DNAH7: variants seen among roughly 807,000 people sequenced by gnomAD.
The protein encoded by DNAH7 is axonemal beta dynein heavy chain 7.
In DNAH7, 397 loss-of-function variants were observed where a neutral mutation model predicts 444.6. The observed-to-expected ratio is 0.89, with a 90% CI of 0.82 to 0.97. The LOEUF (loss-of-function observed/expected upper bound fraction) is 0.97. Among genes scored for constraint, DNAH7 ranks in the 50% least tolerant of loss-of-function variants. DNAH7 has a pLI of 0.00. For synonymous variants in DNAH7, 1,636 were observed against 1,624.4 expected, an observed-to-expected ratio of 1.01 and a Z score of -0.17; for missense variants, 4,902 against 4,800.8, an observed-to-expected ratio of 1.02 and a Z score of -0.62.
chr2:195,845,910 A>C (rs1698964094), intron 46 of DNAH7, among the ~76,000 whole-genome samples: 1 of 152,272 alleles, frequency 6.6e-6, no homozygotes, highest in African/African-American at 2.4e-5. Flanking sequence ...AAACCTTAGA[A>C]GAAAACCTAG....
chr2:195,786,648 C>T (rs1695636905), intron 58 of DNAH7, among the ~76,000 whole-genome samples: 1 of 151,854 alleles, frequency 6.6e-6, no homozygotes, highest in African/African-American at 2.4e-5. Context: ...TAAAGTCATA[C>T]TCCACAAAGG....
At chr2:195,973,244 C>T (rs553875695) in intron 15 of DNAH7, among the ~76,000 whole-genome samples, 2 of 152,258 alleles carry the variant, frequency 1.3e-5, no homozygotes, top group South Asian at 4.2e-4. Context: ...GGACAACCAA[C>T]ATTTCTTCGT....
chr2:195,989,430 ATAAT>A (rs1299376789), intron 12 of DNAH7, among the ~76,000 whole-genome samples: 1 of 152,170 alleles, frequency 6.6e-6, no homozygotes, highest in Non-Finnish European at 1.5e-5. Context: ...TATTTCTCTG[ATAAT>A]TAGAGATGTA....
At position 195,936,734 on chromosome 2, in the gene DNAH7, G is replaced by C. The variant is rs199839208; in HGVS notation, c.3137C>G (p.Ser1046Cys). Residue 1046 changes from serine to cysteine, a missense_variant, in exon 20 of 65, where the codon TCT becomes TGT. Transcript: ENST00000312428. Reference sequence around the variant, plus strand: ...AAGAATGAGCTCCAAAAGTTCATTAGATTTTTTCAGCCTTTCCAGCATTCT... The same window carrying C: ...AAGAATGAGCTCCAAAAGTTCATTACATTTTTTCAGCCTTTCCAGCATTCT... ...IDRMLERLKK[S>C]NELLELILKG... 88 of 1,597,588 alleles carry C rather than the reference G, an allele frequency of 5.5e-5. No individual in the cohort carries two copies. The highest frequency in any genetic ancestry group is 4.3e-6 in the Non-Finnish European group (5 of 1,173,356).
intron 20 of DNAH7, among the ~76,000 whole-genome samples, chr2:195,935,683 A>G (rs75025524): frequency 0.032 from 4,821 of 152,240 alleles, 191 homozygotes; most frequent in East Asian, 0.1. Context: ...GGCAAGGAAA[A>G]TAAGTCCAGG....
At chr2:196,060,998 G>A (rs1244504408) in intron 1 of DNAH7, among the ~76,000 whole-genome samples, 2 of 151,930 alleles carry the variant, frequency 1.3e-5, no homozygotes, top group Non-Finnish European at 2.9e-5. Flanking sequence ...ATACATTTAT[G>A]GTATACAATG....
At chr2:195,987,001 A>G (rs987474062) in intron 14 of DNAH7, 65 bp downstream of exon 14, 8 of 1,384,938 alleles carry the variant, frequency 5.8e-6, no homozygotes, top group Non-Finnish European at 7.7e-6. Flanking sequence ...ACTCTAGTTG[A>G]GTGACAGCTG....
At chr2:195,806,650 C>T in intron 54 of DNAH7, 90 bp downstream of exon 54, 2 of 1,042,776 alleles carry the variant, frequency 1.9e-6, no homozygotes, top group East Asian at 5.2e-5. Flanking sequence ...TCTACCTCCC[C>T]CATGATTACA....
intron 5 of DNAH7, among the ~76,000 whole-genome samples, chr2:196,033,652 T>C (rs957628005): frequency 1.3e-5 from 2 of 152,214 alleles, no homozygotes; most frequent in Non-Finnish European, 2.9e-5. Flanking sequence ...GTGTATTCCA[T>C]TGTGTATATA....
intron 61 of DNAH7, among the ~76,000 whole-genome samples, chr2:195,768,458 C>A (rs1426308943): frequency 6.6e-6 from 1 of 151,650 alleles, no homozygotes; most frequent in African/African-American, 2.4e-5. Flanking sequence ...ATTATCATAA[C>A]CACTGGATAA....
intron 40 of DNAH7, among the ~76,000 whole-genome samples, chr2:195,865,866 C>A (rs183169742): frequency 6.6e-6 from 1 of 152,026 alleles, no homozygotes; most frequent in Non-Finnish European, 1.5e-5. Flanking sequence ...GGCATTAAAG[C>A]GCTCTCTCCC....
chr2:195,931,269 G>T (rs1181338470), intron 21 of DNAH7, among the ~76,000 whole-genome samples: 1 of 152,118 alleles, frequency 6.6e-6, no homozygotes, highest in East Asian at 1.9e-4. Flanking sequence ...TTGTTGATGG[G>T]GTTGTTGTTT....
intron 5 of DNAH7, among the ~76,000 whole-genome samples, chr2:196,034,975 GT>G (rs1696292637): frequency 6.6e-6 from 1 of 152,120 alleles, no homozygotes; most frequent in Non-Finnish European, 1.5e-5. Context: ...GAGGTCAGGA[GT>G]TTTGAGACCA....
At chr2:195,890,302 C>CTG (rs1701942284) in intron 31 of DNAH7, among the ~76,000 whole-genome samples, 1 of 152,154 alleles carries the variant, frequency 6.6e-6, no homozygotes, top group Non-Finnish European at 1.5e-5. Flanking sequence ...CTTCCCATGC[C>CTG]TGTTATGCAT....
chr2:195,817,082 A>G, intron 50 of DNAH7, 119 bp from the exon 51 acceptor site: 1 of 722,454 alleles, frequency 1.4e-6, no homozygotes, highest in Non-Finnish European at 2.2e-6. Flanking sequence ...ACTTTGTGAC[A>G]AATATCTGTA....
chr2:195,800,710 T>G lies in DNAH7; in HGVS notation c.10177-1238A>C, dbSNP rs150893562. ...CAAATATTTTGACACCTTCATTAAG[T>G]GCGACAGAAATTGAAACAATGTTGT... On this transcript the variant is annotated intron_variant, in intron 54 of 64. Coordinates refer to ENST00000312428, the MANE Select transcript of DNAH7 (RefSeq NM_018897.3). 6.7e-4 allele frequency among the ~76,000 whole-genome samples: 102 copies of G among 152,288 alleles called. 1 individual carries two copies. Among genetic ancestry groups the G allele is most frequent in the Admixed American group, 1.2e-3 (19 of 15,298 alleles).
chr2:195,867,917 G>T (rs966616872), intron 40 of DNAH7, among the ~76,000 whole-genome samples: 1 of 152,040 alleles, frequency 6.6e-6, no homozygotes, highest in Admixed American at 6.5e-5. Flanking sequence ...GCATGGACAT[G>T]TATCAGTTCT....
chr2:195,933,459 T>C (rs573923435), intron 21 of DNAH7, among the ~76,000 whole-genome samples: 26 of 152,292 alleles, frequency 1.7e-4, no homozygotes, highest in African/African-American at 4.8e-4. Context: ...TGTATGTTTA[T>C]TGCAGCACTA....
intron 47 of DNAH7, among the ~76,000 whole-genome samples, chr2:195,843,685 C>T (rs1228173177): frequency 6.6e-6 from 1 of 152,136 alleles, no homozygotes; most frequent in African/African-American, 2.4e-5. Context: ...CTGCACATAC[C>T]TCAAATTCTT....
Sources: gnomAD v4.1 joint callset for allele counts (sites outside exome capture counted in the v4.1 genomes callset) on GRCh38, gnomAD v4.1.1 for gene constraint, MANE v1.5 for transcripts, NCBI Gene and HGNC (gene_info 2026-07-23, HGNC 2026-07-21) for gene names.